Variants in CCBE1 observed in about 807,000 individuals in gnomAD.
CCBE1 encodes the protein collagen and calcium-binding EGF domain-containing protein 1.
Under a neutral mutation model 50.0 loss-of-function variants are expected in CCBE1, and 37 were observed. The ratio of observed to expected loss-of-function variants is 0.74; its 90% confidence interval spans 0.57 to 0.97. The LOEUF (loss-of-function observed/expected upper bound fraction) is 0.97, where lower values mean the gene tolerates loss of function less well. CCBE1 is among the 50% of genes least tolerant of loss of function. The probability of loss-of-function intolerance (pLI) is 0.00; values close to 1 mark genes in which losing one functional copy is unlikely to be tolerated. For synonymous variants in CCBE1, 234 were observed against 203.7 expected, an observed-to-expected ratio of 1.15 and a Z score of -1.27; for missense variants, 538 against 523.8, an observed-to-expected ratio of 1.03 and a Z score of -0.26.
At chr18:59,613,394 T>C (rs2053597364) in intron 2 of CCBE1, among the ~76,000 whole-genome samples, 1 of 152,198 alleles carries the variant, frequency 6.6e-6, no homozygotes, top group South Asian at 2.1e-4. Flanking sequence ...AAAATTAGTA[T>C]TCGATGTATT....
At chr18:59,639,878 T>C (rs534753119) in intron 2 of CCBE1, among the ~76,000 whole-genome samples, 2 of 152,192 alleles carry the variant, frequency 1.3e-5, no homozygotes, top group South Asian at 2.1e-4. Flanking sequence ...AAATAAAGAA[T>C]ACAATCCATT....
intron 2 of CCBE1, among the ~76,000 whole-genome samples, chr18:59,644,245 G>A (rs574422136): frequency 1.1e-4 from 17 of 152,300 alleles, no homozygotes; most frequent in African/African-American, 3.6e-4. Flanking sequence ...GAGAGGAGGC[G>A]GAGCTCAGGC....
chr18:59,512,695 A>G (rs1230775858), intron 2 of CCBE1, among the ~76,000 whole-genome samples: 1 of 152,222 alleles, frequency 6.6e-6, no homozygotes, highest in Non-Finnish European at 1.5e-5. Flanking sequence ...TCCTGCTCTT[A>G]GAAACAGCAC....
intron 2 of CCBE1, among the ~76,000 whole-genome samples, chr18:59,513,807 T>C (rs1054036856): frequency 5.9e-5 from 9 of 152,244 alleles, no homozygotes; most frequent in African/African-American, 2.2e-4. Flanking sequence ...GGCTCAGTGC[T>C]GGAGTTCAGA....
chr18:59,501,913 C>T (rs968059196), intron 2 of CCBE1, among the ~76,000 whole-genome samples: 1 of 152,178 alleles, frequency 6.6e-6, no homozygotes, highest in African/African-American at 2.4e-5. Flanking sequence ...CTCCCCTCAC[C>T]TCAGCCTTCC....
At chr18:59,687,109 T>A (rs1188981882) in intron 2 of CCBE1, among the ~76,000 whole-genome samples, 1 of 152,170 alleles carries the variant, frequency 6.6e-6, no homozygotes, top group Non-Finnish European at 1.5e-5. Flanking sequence ...TGTGGGAAAA[T>A]TCCAAAATGA....
At chr18:59,473,271 C>A (rs569264175) in intron 3 of CCBE1, among the ~76,000 whole-genome samples, 1 of 152,092 alleles carries the variant, frequency 6.6e-6, no homozygotes, top group South Asian at 2.1e-4. Flanking sequence ...GAAAACTTTG[C>A]CTCAGAATTT....
intron 2 of CCBE1, among the ~76,000 whole-genome samples, chr18:59,675,983 C>T (rs185507162): frequency 1.4e-4 from 21 of 152,288 alleles, no homozygotes; most frequent in Non-Finnish European, 2.1e-4. Flanking sequence ...TACATCCCCC[C>T]GCCCTACCTT....
chr18:59,572,791 T>C (rs1377233191), intron 2 of CCBE1, among the ~76,000 whole-genome samples: 1 of 152,164 alleles, frequency 6.6e-6, no homozygotes, highest in African/African-American at 2.4e-5. Context: ...TTGTGCTTCA[T>C]TGAGGACGCA....
At chr18:59,584,858 T>G (rs1480948591) in intron 2 of CCBE1, among the ~76,000 whole-genome samples, 1 of 152,190 alleles carries the variant, frequency 6.6e-6, no homozygotes, top group Non-Finnish European at 1.5e-5. Context: ...TTAATAGCAA[T>G]GCAAGAACGG....
At chr18:59,527,071 C>A (rs1914853831) in intron 2 of CCBE1, among the ~76,000 whole-genome samples, 1 of 152,134 alleles carries the variant, frequency 6.6e-6, no homozygotes, top group Admixed American at 6.5e-5. Flanking sequence ...TGTTAATTTT[C>A]TCTCGATGAT....
At chr18:59,697,473 C>G (rs2054827866), upstream of CCBE1, 1 of 1,231,028 alleles carries the variant, frequency 8.1e-7, no homozygotes, top group African/African-American at 1.5e-5. Context: ...GCACCACCTG[C>G]ACGGGGAGCA....
intron 2 of CCBE1, among the ~76,000 whole-genome samples, chr18:59,658,867 A>T (rs1351211525): frequency 7.2e-6 from 1 of 139,482 alleles, no homozygotes; most frequent in Non-Finnish European, 1.5e-5. Context: ...GCAACAGAGC[A>T]AGACTCTGTC....
intron 2 of CCBE1, among the ~76,000 whole-genome samples, chr18:59,573,395 A>G (rs138446022): frequency 8.5e-4 from 129 of 151,028 alleles, no homozygotes; most frequent in African/African-American, 3.0e-3. Flanking sequence ...CCAGACGGCA[A>G]CACAAAATCT....
intron 2 of CCBE1, among the ~76,000 whole-genome samples, chr18:59,577,947 C>T (rs1049958515): frequency 3.9e-5 from 6 of 152,066 alleles, no homozygotes; most frequent in African/African-American, 1.4e-4. Flanking sequence ...CAACAAAAGC[C>T]AAAATTGACA....
chr18:59,691,931 G>A (rs879193054), intron 2 of CCBE1, among the ~76,000 whole-genome samples: 2 of 152,186 alleles, frequency 1.3e-5, no homozygotes, highest in Admixed American at 1.3e-4. Flanking sequence ...GATGAAAGTG[G>A]TGTAACTTCA....
At chr18:59,661,687 G>A (rs142332834) in intron 2 of CCBE1, among the ~76,000 whole-genome samples, 2 of 152,232 alleles carry the variant, frequency 1.3e-5, no homozygotes, top group East Asian at 3.9e-4. Context: ...GATTCTGTTG[G>A]CCCGGCATGG....
intron 7 of CCBE1, among the ~76,000 whole-genome samples, chr18:59,445,085 TG>T (rs34681172): frequency 0.27 from 40,942 of 152,066 alleles, 6,080 homozygotes; most frequent in Middle Eastern, 0.39. Flanking sequence ...CCTATGCTTT[TG>T]GGGGTCATAT....
At chr18:59,513,789 G>A (rs1280829673) in intron 2 of CCBE1, among the ~76,000 whole-genome samples, 1 of 152,218 alleles carries the variant, frequency 6.6e-6, no homozygotes, top group African/African-American at 2.4e-5. Context: ...TAGAGACATG[G>A]AAATGGGGGC....
Sources: gnomAD v4.1 joint callset for allele counts (sites outside exome capture counted in the v4.1 genomes callset) on GRCh38, gnomAD v4.1.1 for gene constraint, MANE v1.5 for transcripts, NCBI Gene and HGNC (gene_info 2026-07-23, HGNC 2026-07-21) for gene names.